Variants in DPY19L3 observed in about 807,000 individuals in gnomAD.
DPY19L3 encodes protein C-mannosyl-transferase DPY19L3.
A neutral mutation model predicts 92.3 loss-of-function variants in DPY19L3; 51 were observed. The observed-to-expected ratio is 0.55, with a 90% CI of 0.44 to 0.70. The LOEUF (loss-of-function observed/expected upper bound fraction) is 0.70, where lower values mean the gene tolerates loss of function less well. DPY19L3 is among the 30% of genes least tolerant of loss of function. DPY19L3 has a pLI of 0.00. For synonymous variants in DPY19L3, 309 were observed against 315.2 expected (o/e 0.98, Z 0.21); for missense variants, 706 against 855.9 (o/e 0.82, Z 2.18).
intron 13 of DPY19L3, 63 bp downstream of exon 13, chr19:32,463,551 A>G (rs1970107069): frequency 1.9e-6 from 3 of 1,538,766 alleles, no homozygotes; most frequent in African/African-American, 1.4e-5. Flanking sequence ...ACTTAGCAAT[A>G]TAATTTGGAA....
At chr19:32,467,062 A>G (rs1251923761) in intron 15 of DPY19L3, among the ~76,000 whole-genome samples, 1 of 152,232 alleles carries the variant, frequency 6.6e-6, no homozygotes, top group Non-Finnish European at 1.5e-5. Flanking sequence ...GTATAAGCAT[A>G]TTAAAAGGGA....
Position 32,432,744 on chromosome 19 carries a change from CAG to C in DPY19L3, c.269_270del (p.Glu90ValfsTer27), listed in dbSNP as rs1211177981. On this transcript the variant is annotated frameshift_variant, in exon 4 of 19. Transcript: ENST00000392250. LOFTEE classifies it high-confidence loss of function. ...GTGGAGCGAGAAATCTCATTCAGAA[CAG>C]AGTGTGGCCTGTATTACTCCTACTA... 6.2e-7 allele frequency: 1 copy of C among 1,613,924 alleles called. No homozygotes were observed.
chr19:32,421,442 C>T (rs1401746118), intron 3 of DPY19L3, among the ~76,000 whole-genome samples: 2 of 152,194 alleles, frequency 1.3e-5, no homozygotes, highest in Non-Finnish European at 2.9e-5. Context: ...GAGTTCAAGA[C>T]CAGCCTGGCC....
chr19:32,464,817 T>C, intron 15 of DPY19L3, 33 bp downstream of exon 15: 1 of 1,390,668 alleles, frequency 7.2e-7, no homozygotes, highest in South Asian at 1.4e-5. Flanking sequence ...TTGTCATTCA[T>C]GTATTTAGCA....
chr19:32,446,337 A>G (rs956809364), intron 8 of DPY19L3, among the ~76,000 whole-genome samples: 3 of 150,074 alleles, frequency 2.0e-5, no homozygotes, highest in African/African-American at 7.5e-5. Context: ...AATTAGAAGC[A>G]AGCAAACAAA....
chr19:32,468,349 A>G, intron 15 of DPY19L3: 4 of 1,000,814 alleles, frequency 4.0e-6, no homozygotes, highest in Non-Finnish European at 4.8e-6. Flanking sequence ...ATTGCATGGT[A>G]TTAGTTAATT....
chr19:32,432,826 T>TCATTTGGG lies in DPY19L3; in HGVS notation c.328+21_328+28dup. 6.2e-7 allele frequency: 1 copy of TCATTTGGG among 1,607,730 alleles called. No homozygotes were observed. The highest frequency in any genetic ancestry group is 8.5e-7 in the Non-Finnish European group (1 of 1,174,924). On this transcript the variant is annotated intron_variant, in intron 4 of 18. Coordinates refer to ENST00000392250, the MANE Select transcript of DPY19L3 (RefSeq NM_001172774.2). ...TGCAAGGTAATTACAACTGATAGTT[T>TCATTTGGG]CATTTGGGGTCTCCTGCATTTTTTT...
intron 9 of DPY19L3, among the ~76,000 whole-genome samples, chr19:32,454,377 A>T (rs777785649): frequency 6.6e-6 from 1 of 152,158 alleles, no homozygotes; most frequent in African/African-American, 2.4e-5. Context: ...AATTGAGACC[A>T]TGCTGGCTAA....
At chr19:32,480,813 A>G in intron 18 of DPY19L3, 2 of 535,270 alleles carry the variant, frequency 3.7e-6, no homozygotes, top group Non-Finnish European at 6.5e-6. Flanking sequence ...CTCTGCCTTC[A>G]GCTCATTTGT....
intron 13 of DPY19L3, 129 bp downstream of exon 13, chr19:32,463,617 T>C: frequency 8.8e-7 from 1 of 1,142,488 alleles, no homozygotes. Context: ...CCTTATATCC[T>C]ATCTTCTCTC....
At chr19:32,424,752 ACT>A (rs1968701007) in intron 3 of DPY19L3, among the ~76,000 whole-genome samples, 1 of 152,192 alleles carries the variant, frequency 6.6e-6, no homozygotes, top group South Asian at 2.1e-4. Flanking sequence ...GTATATGGAA[ACT>A]CAAGGGACTC....
intron 7 of DPY19L3, 27 bp downstream of exon 7, chr19:32,439,262 T>A: frequency 6.3e-7 from 1 of 1,599,874 alleles, no homozygotes; most frequent in Non-Finnish European, 8.5e-7. Context: ...TTTCATATAT[T>A]TTAATCCCCC....
chr19:32,433,706 A>T (rs1969045099), intron 4 of DPY19L3, among the ~76,000 whole-genome samples: 1 of 152,210 alleles, frequency 6.6e-6, no homozygotes, highest in Admixed American at 6.5e-5. Context: ...TATAGGCATG[A>T]GCCACCGCGC....
intron 15 of DPY19L3, among the ~76,000 whole-genome samples, 184 bp downstream of exon 15, chr19:32,464,968 A>G (rs985395871): frequency 9.9e-5 from 15 of 152,242 alleles, no homozygotes; most frequent in African/African-American, 3.4e-4. Flanking sequence ...AGTTTTAACA[A>G]GTAAAAACAT....
In DPY19L3 at chr19:32,477,679, C is replaced by T. The variant is rs367807281; in HGVS notation, c.1830+25C>T. The T allele has an allele frequency of 3.6e-5, 58 of 1,613,210 alleles. No homozygotes were observed. In the African/African-American group the frequency reaches 4.8e-4, roughly 13 times the overall value. ...GGTGAGGCTCCCCAGTGCCTCCCCT[C>T]GCTTCTTGTGGGCCAGCTATGGGCT... is the stretch of plus-strand genomic sequence containing the variant. On this transcript the variant is annotated intron_variant, in intron 17 of 18. Coordinates refer to ENST00000392250, the MANE Select transcript of DPY19L3 (RefSeq NM_001172774.2).
At chr19:32,468,907 G>A in intron 16 of DPY19L3, 94 bp downstream of exon 16, 1 of 1,235,026 alleles carries the variant, frequency 8.1e-7, no homozygotes, top group Non-Finnish European at 1.1e-6. Flanking sequence ...GTTTGTTTCT[G>A]AATCTAATTA....
chr19:32,451,040 AAT>A (rs1035148621), intron 8 of DPY19L3, among the ~76,000 whole-genome samples: 26 of 152,322 alleles, frequency 1.7e-4, no homozygotes, highest in African/African-American at 6.3e-4. Context: ...CAGTGAACAA[AAT>A]ATGTAACTAA....
intron 8 of DPY19L3, among the ~76,000 whole-genome samples, chr19:32,445,316 T>C (rs1250209702): frequency 1.3e-5 from 2 of 150,850 alleles, no homozygotes; most frequent in African/African-American, 4.9e-5. Flanking sequence ...TGGCAGGCGC[T>C]TGTAGTCCCA....
chr19:32,466,449 T>C (rs1206447582), intron 15 of DPY19L3, among the ~76,000 whole-genome samples: 1 of 152,206 alleles, frequency 6.6e-6, no homozygotes, highest in Non-Finnish European at 1.5e-5. Context: ...AGAGAATTCT[T>C]TGCCGCTGGG....
Sources: allele counts gnomAD v4.1 joint callset (sites outside exome capture counted in the v4.1 genomes callset), GRCh38; gene constraint gnomAD v4.1.1; transcripts MANE v1.5; gene names NCBI Gene and HGNC (gene_info 2026-07-23, HGNC 2026-07-21).